Variants in KCNIP4 observed in about 807,000 individuals in gnomAD.
The protein encoded by KCNIP4 is potassium voltage-gated channel interacting protein 4, also known as Kv channel-interacting protein 4.
Under a neutral mutation model 34.0 loss-of-function variants are expected in KCNIP4, and 12 were observed. The observed-to-expected ratio is 0.35, with a 90% CI of 0.23 to 0.57. KCNIP4 has a LOEUF of 0.57. KCNIP4 is among the 20% of genes least tolerant of loss of function. The probability of loss-of-function intolerance (pLI) is 0.83; values close to 1 mark genes in which losing one functional copy is unlikely to be tolerated. For missense variants in KCNIP4, 238 were observed against 311.7 expected (o/e 0.76, Z 1.78); for synonymous variants, 124 against 102.2 (o/e 1.21, Z -1.29).
At chr4:20,938,199 GTTT>G (rs10715961) in intron 1 of KCNIP4, among the ~76,000 whole-genome samples, 3 of 142,678 alleles carry the variant, frequency 2.1e-5, no homozygotes, top group Non-Finnish European at 3.1e-5. Context: ...AATTTTGCTA[GTTT>G]TTTTTTTTTT....
At chr4:20,885,980 C>T (rs1375655078) in intron 1 of KCNIP4, among the ~76,000 whole-genome samples, 1 of 152,120 alleles carries the variant, frequency 6.6e-6, no homozygotes, top group Non-Finnish European at 1.5e-5. Flanking sequence ...AGATTATGAA[C>T]AGTTATTATA....
At chr4:21,764,548 T>G (rs973703183) in intron 1 of KCNIP4, among the ~76,000 whole-genome samples, 1 of 152,122 alleles carries the variant, frequency 6.6e-6, no homozygotes, top group African/African-American at 2.4e-5. Context: ...TAATTATGTC[T>G]GGTCAGGATC....
At chr4:20,761,876 A>G (rs1286128959) in intron 3 of KCNIP4, among the ~76,000 whole-genome samples, 5 of 152,160 alleles carry the variant, frequency 3.3e-5, no homozygotes, top group Admixed American at 2.6e-4. Flanking sequence ...GTTTTTATCC[A>G]CCTTATATTC....
At chr4:21,191,531 T>C (rs1052542471) in intron 1 of KCNIP4, among the ~76,000 whole-genome samples, 4 of 152,160 alleles carry the variant, frequency 2.6e-5, no homozygotes, top group Admixed American at 2.6e-4. Flanking sequence ...TGCGCCCTAG[T>C]GCTGAAAGAT....
At chr4:21,890,597 A>T (rs1473079917) in intron 1 of KCNIP4, among the ~76,000 whole-genome samples, 1 of 152,134 alleles carries the variant, frequency 6.6e-6, no homozygotes, top group Non-Finnish European at 1.5e-5. Flanking sequence ...TACTACCACA[A>T]GGATGAGGAA....
chr4:21,310,654 C>T (rs892363033), intron 1 of KCNIP4, among the ~76,000 whole-genome samples: 2 of 151,770 alleles, frequency 1.3e-5, no homozygotes, highest in South Asian at 2.1e-4. Flanking sequence ...TTTTTTGAGA[C>T]GGAATCTCAC....
At chr4:20,763,534 A>C (rs190126308) in intron 3 of KCNIP4, among the ~76,000 whole-genome samples, 1 of 152,016 alleles carries the variant, frequency 6.6e-6, no homozygotes, top group East Asian at 1.9e-4. Flanking sequence ...TTCTATTCTC[A>C]TTTTTTTTGT....
At chr4:21,298,533 GC>G (rs1336902030) in intron 1 of KCNIP4, among the ~76,000 whole-genome samples, 1 of 151,908 alleles carries the variant, frequency 6.6e-6, no homozygotes, top group Non-Finnish European at 1.5e-5. Flanking sequence ...CCAATCACCA[GC>G]CCTTCTCTGC....
intron 3 of KCNIP4, among the ~76,000 whole-genome samples, chr4:20,760,846 C>T (rs1050279438): frequency 1.3e-5 from 2 of 152,110 alleles, no homozygotes; most frequent in Admixed American, 6.6e-5. Context: ...AACAAATGAG[C>T]AAGCAAGCAA....
At chr4:21,393,160 A>G (rs1722701241) in intron 1 of KCNIP4, among the ~76,000 whole-genome samples, 2 of 152,328 alleles carry the variant, frequency 1.3e-5, no homozygotes, top group Non-Finnish European at 2.9e-5. Flanking sequence ...GTTTAAAAAG[A>G]CTGCCAGATT....
chr4:20,875,610 G>A (rs917683905), intron 2 of KCNIP4, among the ~76,000 whole-genome samples: 2 of 152,020 alleles, frequency 1.3e-5, no homozygotes, highest in Admixed American at 6.6e-5. Flanking sequence ...TTTAACATGG[G>A]TTATGCCTCT....
At chr4:21,541,859 T>C (rs909017831) in intron 1 of KCNIP4, among the ~76,000 whole-genome samples, 23 of 151,874 alleles carry the variant, frequency 1.5e-4, no homozygotes, top group African/African-American at 5.6e-4. Context: ...CTCAGGCTCA[T>C]CTTCAACTCC....
In KCNIP4 at chr4:21,172,731, G is replaced by A. The variant is rs570101680; in HGVS notation, c.62-290022C>T. The stretch of plus-strand genomic sequence containing the variant: ...AAGCCCCACTCTGGTCCAAGTATTG[G>A]ATTCGGTGGCTTATTGGCCTCATTT... On this transcript the variant is annotated intron_variant, in intron 1 of 8. Transcript: ENST00000382152. Among the ~76,000 whole-genome samples, 6 of 152,264 alleles carry A rather than the reference G, an allele frequency of 3.9e-5. No homozygotes were observed. In the South Asian group the frequency reaches 8.3e-4, roughly 21 times the overall value.
chr4:21,946,546 G>T (rs1730521773), intron 1 of KCNIP4, among the ~76,000 whole-genome samples: 1 of 152,190 alleles, frequency 6.6e-6, no homozygotes, highest in Non-Finnish European at 1.5e-5. Flanking sequence ...CTGATCACAA[G>T]TAAGCAAAGT....
intron 1 of KCNIP4, among the ~76,000 whole-genome samples, chr4:21,451,418 G>A (rs916045140): frequency 1.1e-4 from 16 of 152,124 alleles, no homozygotes; most frequent in Non-Finnish European, 7.4e-5. Flanking sequence ...GCAGTGAAAA[G>A]AGATTAAAGT....
At position 21,921,705 on chromosome 4, in the gene KCNIP4, A is replaced by G. The variant is rs141787745; in HGVS notation, c.61+26866T>C. On this transcript the variant is annotated intron_variant, in intron 1 of 8. Coordinates refer to ENST00000382152, the MANE Select transcript of KCNIP4 (RefSeq NM_025221.6). ...CAAGTCTGCTTACTCTACCTGCACA[A>G]TACATCTTGAATCTATCTAATTCCA... Among the ~76,000 whole-genome samples, 8 of 152,204 alleles carry G rather than the reference A, an allele frequency of 5.3e-5. No individual in the cohort carries two copies. The East Asian group carries it at 1.4e-3, about 26-fold the overall frequency.
chr4:20,843,589 G>A (rs563133627), intron 3 of KCNIP4, among the ~76,000 whole-genome samples: 2 of 152,278 alleles, frequency 1.3e-5, no homozygotes. Flanking sequence ...AATTAGCTGG[G>A]TGTGGTAGTG....
intron 1 of KCNIP4, among the ~76,000 whole-genome samples, chr4:21,712,325 G>C (rs901978695): frequency 6.6e-6 from 1 of 152,158 alleles, no homozygotes; most frequent in Non-Finnish European, 1.5e-5. Flanking sequence ...ATGAACTGGC[G>C]TTCTTGTAAG....
At chr4:20,967,473 A>T (rs1020531263) in intron 1 of KCNIP4, among the ~76,000 whole-genome samples, 1 of 152,160 alleles carries the variant, frequency 6.6e-6, no homozygotes, top group African/African-American at 2.4e-5. Context: ...CACAGCCAAG[A>T]CGATCCTAAG....
Sources: allele counts gnomAD v4.1 joint callset (sites outside exome capture counted in the v4.1 genomes callset), GRCh38; gene constraint gnomAD v4.1.1; transcripts MANE v1.5; gene names NCBI Gene and HGNC (gene_info 2026-07-23, HGNC 2026-07-21).